ASXL2: variants seen among roughly 807,000 people sequenced by gnomAD.
ASXL2 encodes the protein putative Polycomb group protein ASXL2.
Under a neutral mutation model 122.0 loss-of-function variants are expected in ASXL2, and 23 were observed. The ratio of observed to expected loss-of-function variants is 0.19; its 90% CI spans 0.14 to 0.27. ASXL2 has a LOEUF of 0.27. Among genes scored for constraint, ASXL2 ranks in the 10% least tolerant of loss-of-function variants. The pLI is 1.00. For missense variants in ASXL2, 1,518 were observed against 1,713.8 expected, an observed-to-expected ratio of 0.89 and a Z score of 2.02; for synonymous variants, 650 against 637.0, an observed-to-expected ratio of 1.02 and a Z score of -0.31.
chr2:25,816,063 C>T lies in ASXL2; in HGVS notation c.144-9726G>A, dbSNP rs559827516. On this transcript the variant is annotated intron_variant, in intron 3 of 12. Coordinates refer to ENST00000435504, the MANE Select transcript of ASXL2 (RefSeq NM_018263.6). ...AATCTGTACAGACTAACCCCAAGTA[C>T]TCAGATACTCAGAAACATCTAAATT... Among the ~76,000 whole-genome samples the T allele has an allele frequency of 2.6e-5, 4 of 152,194 alleles. No individual in the cohort carries two copies. The South Asian group carries it at 6.2e-4, about 24-fold the overall frequency.
At position 25,741,525 on chromosome 2, in the gene ASXL2, G is replaced by A. The variant is rs983633861; in HGVS notation, c.*504C>T. 5 of 231,586 alleles carry A rather than the reference G, an allele frequency of 2.2e-5. No individual in the cohort carries two copies. The highest frequency in any genetic ancestry group is 4.3e-5 in the Non-Finnish European group (5 of 117,110). 14.3% of individuals were successfully genotyped at this position (231,586 alleles called of 1,614,324 possible). On this transcript the variant is annotated 3_prime_UTR_variant, in exon 13 of 13. Transcript: ENST00000435504. ...AAACCCTGAATCCAAGTCCTGCAAA[G>A]GCTGAATAATCTATGAATAACCTGC...
intron 1 of ASXL2, among the ~76,000 whole-genome samples, chr2:25,854,269 T>C (rs948639993): frequency 6.6e-6 from 1 of 152,230 alleles, no homozygotes; most frequent in Non-Finnish European, 1.5e-5. Context: ...TTAGAGTTAA[T>C]AACACTAACA....
intron 5 of ASXL2, among the ~76,000 whole-genome samples, chr2:25,776,123 A>T (rs2088542361): frequency 1.3e-5 from 2 of 152,238 alleles, no homozygotes; most frequent in South Asian, 4.1e-4. Flanking sequence ...TACAATCATC[A>T]CCCCTCAAAA....
rs745638009 is a variant in ASXL2 at position 25,750,374 on chromosome 2, A to G, written c.1182T>C (p.Ala394=). 9 of 1,609,850 alleles carry G rather than the reference A, an allele frequency of 5.6e-6. No individual in the cohort carries two copies. In the South Asian group the frequency reaches 8.9e-5, roughly 16 times the overall value. ...LSLEDSKKLT[A]SPSDPKVKKT... ...TCTTTACTTTGGGATCACTGGGAGAAGCTGTCAATTTCTTAGAATCTTCAA... is the reference window on the plus strand; with the variant it reads ...TCTTTACTTTGGGATCACTGGGAGAGGCTGTCAATTTCTTAGAATCTTCAA... Residue 394 remains alanine (A), a synonymous_variant, in exon 12 of 13, where the codon GCT becomes GCC. Coordinates refer to ENST00000435504, the MANE Select transcript of ASXL2 (RefSeq NM_018263.6).
Position 25,778,873 on chromosome 2 carries a change from A to C in ASXL2, c.404-7333T>G, listed in dbSNP as rs113484155. 9.7e-3 allele frequency among the ~76,000 whole-genome samples: 1,475 copies of C among 152,232 alleles called. 17 individuals carry two copies. Among genetic ancestry groups the C allele is most frequent in the Non-Finnish European group, 0.016 (1,075 of 68,018 alleles). On this transcript the variant is annotated intron_variant, in intron 5 of 12. Coordinates refer to ENST00000435504, the MANE Select transcript of ASXL2 (RefSeq NM_018263.6). ...CATCTTTAAATTGGAAATGATATTA[A>C]ATGGAAATTAAATTTAAATTGGAAA...
chr2:25,873,980 A>C (rs2089989227), intron 1 of ASXL2, among the ~76,000 whole-genome samples: 1 of 152,214 alleles, frequency 6.6e-6, no homozygotes, highest in African/African-American at 2.4e-5. Context: ...AAACTGCTAA[A>C]ATCCTCAGGA....
At chr2:25,797,337 C>A (rs1049152188) in intron 5 of ASXL2, among the ~76,000 whole-genome samples, 5 of 151,814 alleles carry the variant, frequency 3.3e-5, no homozygotes, top group Non-Finnish European at 5.9e-5. Context: ...CCCAGCTACT[C>A]GGGAGGCCAA....
chr2:25,809,296 G>GGA (rs1553701184), intron 3 of ASXL2, among the ~76,000 whole-genome samples: 3 of 144,034 alleles, frequency 2.1e-5, no homozygotes, highest in Admixed American at 1.4e-4. Flanking sequence ...CACTTCTAAT[G>GGA]AAAAAAAAAA....
At chr2:25,778,157 T>A (rs1051147310) in intron 5 of ASXL2, among the ~76,000 whole-genome samples, 2 of 152,174 alleles carry the variant, frequency 1.3e-5, no homozygotes, top group African/African-American at 4.8e-5. Context: ...AGCTCCAGAA[T>A]CTGTGAATGT....
At chr2:25,820,434 G>T (rs1052292626) in intron 3 of ASXL2, among the ~76,000 whole-genome samples, 1 of 152,136 alleles carries the variant, frequency 6.6e-6, no homozygotes, top group African/African-American at 2.4e-5. Context: ...TATGAGAAAA[G>T]TCTATACAAC....
intron 4 of ASXL2, among the ~76,000 whole-genome samples, chr2:25,802,382 A>C (rs2089013660): frequency 6.6e-6 from 1 of 152,188 alleles, no homozygotes; most frequent in Non-Finnish European, 1.5e-5. Flanking sequence ...TAATATTGTG[A>C]TATAGTATGA....
At chr2:25,773,233 T>C (rs920208976) in intron 5 of ASXL2, among the ~76,000 whole-genome samples, 7 of 151,240 alleles carry the variant, frequency 4.6e-5, no homozygotes, top group Admixed American at 4.6e-4. Flanking sequence ...TGCTGACTTA[T>C]CGTCATACTT....
At chr2:25,806,655 G>A (rs2089086663) in intron 3 of ASXL2, among the ~76,000 whole-genome samples, 1 of 152,096 alleles carries the variant, frequency 6.6e-6, no homozygotes, top group Non-Finnish European at 1.5e-5. Flanking sequence ...CAAATGTCCA[G>A]AGGTAAAATG....
At chr2:25,876,832 A>G (rs1380956116) in intron 1 of ASXL2, among the ~76,000 whole-genome samples, 3 of 152,232 alleles carry the variant, frequency 2.0e-5, no homozygotes, top group Non-Finnish European at 4.4e-5. Context: ...TCCAACTAAG[A>G]GAGATACAAA....
At chr2:25,818,649 A>G (rs1253843459) in intron 3 of ASXL2, among the ~76,000 whole-genome samples, 1 of 152,268 alleles carries the variant, frequency 6.6e-6, no homozygotes, top group Non-Finnish European at 1.5e-5. Context: ...TGCTAAGAAT[A>G]AATGAACAAA....
In ASXL2 at chr2:25,806,343, A is replaced by C. The variant is rs2089082080; in HGVS notation, c.144-6T>G. ...ATGCAAGAGGAGAAGTCCCACTGCAAAACAAAGAAGAGATGTGATAAGGAA... is the reference window on the plus strand; with the variant it reads ...ATGCAAGAGGAGAAGTCCCACTGCACAACAAAGAAGAGATGTGATAAGGAA... On this transcript the variant is annotated splice_region_variant and splice_polypyrimidine_tract_variant and intron_variant, in intron 3 of 12. Coordinates refer to ENST00000435504, the MANE Select transcript of ASXL2 (RefSeq NM_018263.6). The C allele has an allele frequency of 6.3e-7, 1 of 1,594,628 alleles. No homozygotes were observed. Among genetic ancestry groups the C allele is most frequent in the Non-Finnish European group, 8.6e-7 (1 of 1,164,962 alleles).
At chr2:25,774,498 A>C (rs1203167317) in intron 5 of ASXL2, among the ~76,000 whole-genome samples, 1 of 152,104 alleles carries the variant, frequency 6.6e-6, no homozygotes, top group Non-Finnish European at 1.5e-5. Flanking sequence ...ACTCTTTTGT[A>C]CATGTCTTTT....
At chr2:25,798,053 T>C (rs1233859306) in intron 5 of ASXL2, among the ~76,000 whole-genome samples, 3 of 152,154 alleles carry the variant, frequency 2.0e-5, no homozygotes, top group Admixed American at 6.5e-5. Context: ...AAATGACCTA[T>C]TGCAAATGAA....
At chr2:25,846,927 A>G (rs779515746) in intron 1 of ASXL2, among the ~76,000 whole-genome samples, 15 of 152,222 alleles carry the variant, frequency 9.9e-5, no homozygotes, top group Non-Finnish European at 2.2e-4. Flanking sequence ...CCAATGTGAC[A>G]CAGATGTTGG....
Sources: allele counts gnomAD v4.1 joint callset (sites outside exome capture counted in the v4.1 genomes callset), GRCh38; gene constraint gnomAD v4.1.1; transcripts MANE v1.5; gene names NCBI Gene and HGNC (gene_info 2026-07-23, HGNC 2026-07-21).